The following SDK2 variants were observed in gnomAD, a reference collection of about 807,000 sequenced individuals.
The protein encoded by SDK2 is protein sidekick-2.
A neutral mutation model predicts 253.9 loss-of-function variants in SDK2; 105 were observed. The ratio of observed to expected loss-of-function variants is 0.41; its 90% CI spans 0.35 to 0.49. The LOEUF is 0.49. Ranked by LOEUF, SDK2 falls within the 20% of genes least tolerant of loss-of-function variation. The probability of loss-of-function intolerance (pLI) is 0.06; values close to 1 mark genes in which losing one functional copy is unlikely to be tolerated. For synonymous variants in SDK2, 1,249 were observed against 1,234.9 expected, an observed-to-expected ratio of 1.01 and a Z score of -0.24; for missense variants, 2,608 against 3,003.0, an observed-to-expected ratio of 0.87 and a Z score of 3.07.
rs915555852 is a variant in SDK2, at chr17:73,602,579, T to C, written c.64+41446A>G. On this transcript the variant is annotated intron_variant, in intron 1 of 44. Transcript: ENST00000392650. ...AGAATCCTCCTTTTTTGATGCCAGA[T>C]AGAAATAAAGTTGGATGACATTTTT... Among the ~76,000 whole-genome samples, 10 of 151,804 alleles carry C rather than the reference T, an allele frequency of 6.6e-5. No homozygotes were observed. The East Asian group carries it at 7.7e-4, about 12-fold the overall frequency.
intron 18 of SDK2, among the ~76,000 whole-genome samples, chr17:73,414,033 TC>T (rs1430787392): frequency 1.3e-4 from 20 of 151,828 alleles, no homozygotes; most frequent in Admixed American, 1.1e-3. Flanking sequence ...TTCTTTTTCT[TC>T]TTTTTCTCTC....
At chr17:73,365,424 T>C (rs1366612942) in intron 37 of SDK2, 29 bp from the exon 38 acceptor site, 1 of 1,574,132 alleles carries the variant, frequency 6.4e-7, no homozygotes, top group Non-Finnish European at 8.6e-7. Flanking sequence ...GGTTTTTGTT[T>C]CCTTCTTCTG....
chr17:73,585,005 T>G (rs564696457), intron 1 of SDK2, among the ~76,000 whole-genome samples: 1 of 152,122 alleles, frequency 6.6e-6, no homozygotes, highest in South Asian at 2.1e-4. Context: ...GGGGGCAGAG[T>G]AGGGTCCACA....
chr17:73,393,850 A>T, intron 26 of SDK2, 101 bp from the exon 27 acceptor site: 1 of 907,032 alleles, frequency 1.1e-6, no homozygotes, highest in Non-Finnish European at 1.6e-6. Flanking sequence ...TGTGTCACAC[A>T]TCTCCCAACT....
At chr17:73,393,065 T>C (rs1248470059) in intron 27 of SDK2, among the ~76,000 whole-genome samples, 2 of 151,294 alleles carry the variant, frequency 1.3e-5, no homozygotes, top group African/African-American at 2.4e-5. Flanking sequence ...GCCAACATGG[T>C]GAAACCCCAG....
At chr17:73,373,492 G>T (rs1326186461) in intron 36 of SDK2, among the ~76,000 whole-genome samples, 2 of 152,082 alleles carry the variant, frequency 1.3e-5, no homozygotes, top group Non-Finnish European at 2.9e-5. Flanking sequence ...GCGTGCAAAG[G>T]TTCCCTTTTC....
At chr17:73,601,416 A>T (rs2045838736) in intron 1 of SDK2, among the ~76,000 whole-genome samples, 1 of 152,178 alleles carries the variant, frequency 6.6e-6, no homozygotes, top group Non-Finnish European at 1.5e-5. Context: ...GAACCTCACG[A>T]TGTGGCCTAA....
intron 2 of SDK2, among the ~76,000 whole-genome samples, chr17:73,500,759 C>T (rs549172058): frequency 1.5e-3 from 219 of 150,406 alleles, no homozygotes; most frequent in African/African-American, 5.1e-3. Context: ...ATCCTCCATC[C>T]ATCCTTCCTC....
chr17:73,528,468 ATGCAGTGAGGCTGAGGATCTGC>A (rs1433783945), intron 1 of SDK2, among the ~76,000 whole-genome samples: 2 of 152,214 alleles, frequency 1.3e-5, no homozygotes, highest in African/African-American at 4.8e-5. Flanking sequence ...GGAAGCAGCG[ATGCAGTGAGGCTGAGGATCTGC>A]CCAAGGTCAC....
intron 2 of SDK2, among the ~76,000 whole-genome samples, chr17:73,491,952 C>T (rs1283746007): frequency 6.6e-6 from 1 of 152,164 alleles, no homozygotes; most frequent in Non-Finnish European, 1.5e-5. Flanking sequence ...TTTACAGTGA[C>T]CCCCATCAGG....
At chr17:73,472,641 CAG>C (rs2063660744) in intron 2 of SDK2, among the ~76,000 whole-genome samples, 1 of 152,160 alleles carries the variant, frequency 6.6e-6, no homozygotes, top group Non-Finnish European at 1.5e-5. Context: ...GTGACAGAGA[CAG>C]GGAAATTTAC....
At chr17:73,457,345 CTCTTTCTT>C (rs1244598735) in intron 3 of SDK2, among the ~76,000 whole-genome samples, 6 of 131,816 alleles carry the variant, frequency 4.6e-5, no homozygotes, top group Admixed American at 1.6e-4. Flanking sequence ...CTCCTCTCCT[CTCTTTCTT>C]TCTTTCTTTC....
chr17:73,623,974 G>A (rs9895288), intron 1 of SDK2, among the ~76,000 whole-genome samples: 16,084 of 152,182 alleles, frequency 0.11, 1,018 homozygotes, highest in African/African-American at 0.16. Context: ...AACAAAGCAG[G>A]GCCTCCGGGT....
At chr17:73,457,996 A>T (rs571873942) in intron 3 of SDK2, among the ~76,000 whole-genome samples, 10 of 152,210 alleles carry the variant, frequency 6.6e-5, no homozygotes, top group African/African-American at 2.4e-4. Context: ...TTATTATTTT[A>T]GAGACAGGGT....
chr17:73,356,178 T>C (rs1308919852), intron 40 of SDK2, among the ~76,000 whole-genome samples: 2 of 152,220 alleles, frequency 1.3e-5, no homozygotes, highest in Non-Finnish European at 2.9e-5. Context: ...CGAACTTCCC[T>C]GCCCAACGCA....
chr17:73,510,744 T>C (rs181025679), intron 1 of SDK2, among the ~76,000 whole-genome samples: 7 of 152,316 alleles, frequency 4.6e-5, no homozygotes, highest in Admixed American at 4.6e-4. Context: ...TCTGCCTGCC[T>C]CAGCCTCCCA....
chr17:73,355,174 A>ATATTTTTTTTTTT, intron 40 of SDK2, among the ~76,000 whole-genome samples: 13 of 47,236 alleles, frequency 2.8e-4, no homozygotes, highest in Non-Finnish European at 4.0e-4. Flanking sequence ...ATATATATAT[A>ATATTTTTTTTTTT]TTTTTTTTTT....
At chr17:73,360,898 T>C (rs2062634028) in intron 39 of SDK2, among the ~76,000 whole-genome samples, 1 of 147,940 alleles carries the variant, frequency 6.8e-6, no homozygotes, top group South Asian at 2.1e-4. Flanking sequence ...ATTGCACCAC[T>C]GCACTCCAGC....
chr17:73,557,909 CAGT>C (rs2045169885), intron 1 of SDK2, among the ~76,000 whole-genome samples: 2 of 152,194 alleles, frequency 1.3e-5, no homozygotes, highest in East Asian at 3.9e-4. Flanking sequence ...CTGGACTCAG[CAGT>C]AGAAATGGCA....
Sources: allele counts gnomAD v4.1 joint callset (sites outside exome capture counted in the v4.1 genomes callset), GRCh38; gene constraint gnomAD v4.1.1; transcripts MANE v1.5; gene names NCBI Gene and HGNC (gene_info 2026-07-23, HGNC 2026-07-21).